Variants in PPFIBP1 observed in about 807,000 individuals in gnomAD.
PPFIBP1 encodes PPFIB scaffold protein 1, also known as liprin-beta-1.
Under a neutral mutation model 137.8 loss-of-function variants are expected in PPFIBP1, and 112 were observed. That is an observed-to-expected ratio of 0.81 (90% confidence interval 0.70 to 0.95). The LOEUF is 0.95. Ranked by LOEUF, PPFIBP1 falls within the 40% of genes least tolerant of loss-of-function variation. The pLI is 0.00. For missense variants in PPFIBP1, 1,083 were observed against 1,196.6 expected, an observed-to-expected ratio of 0.91 and a Z score of 1.40; for synonymous variants, 378 against 417.3, an observed-to-expected ratio of 0.91 and a Z score of 1.15.
intron 5 of PPFIBP1, among the ~76,000 whole-genome samples, chr12:27,646,832 A>G (rs897512304): frequency 2.6e-5 from 4 of 152,132 alleles, no homozygotes; most frequent in African/African-American, 9.7e-5. Flanking sequence ...TTACTGAGTG[A>G]TGATTATTGA....
chr12:27,664,057 TTTTGTTTTTG>T (rs1319533070), intron 11 of PPFIBP1, among the ~76,000 whole-genome samples: 1 of 152,074 alleles, frequency 6.6e-6, no homozygotes, highest in Non-Finnish European at 1.5e-5. Context: ...TATTACCTTG[TTTTGTTTTTG>T]TTTGTTTAAA....
chr12:27,645,145 AAC>A lies in PPFIBP1; in HGVS notation c.271-914_271-913del, dbSNP rs527787932. Among the ~76,000 whole-genome samples, 134 of 152,322 alleles carry A rather than the reference AAC, an allele frequency of 8.8e-4. 7 individuals carry two copies. In the South Asian group the frequency reaches 0.026, roughly 30 times the overall value. On this transcript the variant is annotated intron_variant, in intron 4 of 29. Coordinates refer to ENST00000228425, the MANE Select transcript of PPFIBP1 (RefSeq NM_003622.4). The stretch of plus-strand genomic sequence containing the variant: ...AGTTGAACCCTGGGTGGCCCCATCT[AAC>A]ACTTTCGGATTTCAGCTGGCTTTTA...
chr12:27,550,062 T>C (rs895385338), intron 1 of PPFIBP1, among the ~76,000 whole-genome samples: 1 of 152,210 alleles, frequency 6.6e-6, no homozygotes, highest in Non-Finnish European at 1.5e-5. Context: ...TGGAGCATAA[T>C]GAAGTAAGTG....
chr12:27,644,319 C>G (rs3829315), intron 4 of PPFIBP1, among the ~76,000 whole-genome samples: 82,688 of 147,438 alleles, frequency 0.56, 23,621 homozygotes, highest in Non-Finnish European at 0.6. Context: ...AACTTCTGGG[C>G]TCACACAATT....
chr12:27,640,656 G>T (rs2139271538), intron 4 of PPFIBP1, among the ~76,000 whole-genome samples: 1 of 151,938 alleles, frequency 6.6e-6, no homozygotes, highest in South Asian at 2.1e-4. Flanking sequence ...GAGGACAGGG[G>T]AGCGGAGTAC....
intron 2 of PPFIBP1, among the ~76,000 whole-genome samples, chr12:27,583,612 G>C (rs369566988): frequency 1.3e-5 from 2 of 152,260 alleles, no homozygotes. Flanking sequence ...ATAGTTGAAA[G>C]CCAAGTATCA....
At chr12:27,604,492 TG>T (rs1232145713) in intron 2 of PPFIBP1, among the ~76,000 whole-genome samples, 1 of 152,086 alleles carries the variant, frequency 6.6e-6, no homozygotes, top group Non-Finnish European at 1.5e-5. Flanking sequence ...GACCTGCCTG[TG>T]GGCCAAAACC....
At chr12:27,660,783 A>G (rs2059497160) in intron 10 of PPFIBP1, 101 bp from the exon 11 acceptor site, 1 of 1,468,732 alleles carries the variant, frequency 6.8e-7, no homozygotes, top group African/African-American at 1.4e-5. Flanking sequence ...AGAAATCATT[A>G]ACATCTTTAC....
At chr12:27,668,860 G>A (rs2060017344) in intron 13 of PPFIBP1, among the ~76,000 whole-genome samples, 1 of 151,932 alleles carries the variant, frequency 6.6e-6, no homozygotes, top group Admixed American at 6.6e-5. Context: ...TTTGATTCTA[G>A]TCTAGTCCAT....
chr12:27,622,071 G>A (rs1409222669), intron 2 of PPFIBP1, among the ~76,000 whole-genome samples: 1 of 152,206 alleles, frequency 6.6e-6, no homozygotes, highest in Non-Finnish European at 1.5e-5. Flanking sequence ...TATTGTCGGT[G>A]CTAACAGTTT....
intron 1 of PPFIBP1, among the ~76,000 whole-genome samples, chr12:27,538,630 G>C (rs1945310669): frequency 6.6e-6 from 1 of 152,160 alleles, no homozygotes; most frequent in South Asian, 2.1e-4. Context: ...CTTGCTACCT[G>C]GTAGGAACTC....
chr12:27,651,133 T>C (rs916532039), intron 7 of PPFIBP1, among the ~76,000 whole-genome samples: 5 of 152,210 alleles, frequency 3.3e-5, no homozygotes, highest in Admixed American at 2.0e-4. Context: ...GTTCTTTATA[T>C]TGGAAATAAC....
intron 12 of PPFIBP1, among the ~76,000 whole-genome samples, chr12:27,665,171 G>C (rs1450647110): frequency 6.6e-6 from 1 of 152,184 alleles, no homozygotes; most frequent in Middle Eastern, 3.2e-3. Context: ...CTAGGCGGCA[G>C]AGTGAGACTC....
rs760313055 is a variant in PPFIBP1, at chr12:27,654,724, G to A, written c.606G>A (p.Gly202=). ...DYEDKFRDTE[G]LIQEINDLRL... ...CTTTCTTGTTTCTTCTTGGACAGGG[G>A]CTGATTCAGGAGATCAATGATTTGA... The change falls in exon 8 of 30, where the codon GGG becomes GGA. Residue 202 remains glycine (G), a splice_region_variant and synonymous_variant. Transcript: ENST00000228425. 2 of 1,610,420 alleles carry A rather than the reference G, an allele frequency of 1.2e-6. No individual in the cohort carries two copies. Among genetic ancestry groups the A allele is most frequent in the African/African-American group, 1.3e-5 (1 of 74,730 alleles).
intron 3 of PPFIBP1, among the ~76,000 whole-genome samples, 156 bp downstream of exon 3, chr12:27,633,616 T>C (rs1032443446): frequency 1.3e-5 from 2 of 152,180 alleles, no homozygotes; most frequent in African/African-American, 4.8e-5. Flanking sequence ...TCTTCTCCAT[T>C]TTCTGCCAGC....
intron 11 of PPFIBP1, among the ~76,000 whole-genome samples, chr12:27,663,465 C>T (rs1174153580): frequency 6.6e-6 from 1 of 151,844 alleles, no homozygotes; most frequent in Admixed American, 6.6e-5. Context: ...AAATAAAAAT[C>T]GAAGAAAAGA....
At chr12:27,644,633 G>A (rs531037933) in intron 4 of PPFIBP1, among the ~76,000 whole-genome samples, 19 of 152,114 alleles carry the variant, frequency 1.2e-4, no homozygotes, top group African/African-American at 4.6e-4. Context: ...TTTTATGTTA[G>A]TCCCCAGGAA....
intron 2 of PPFIBP1, among the ~76,000 whole-genome samples, chr12:27,622,068 G>A (rs879543729): frequency 6.6e-6 from 1 of 152,072 alleles, no homozygotes; most frequent in Non-Finnish European, 1.5e-5. Flanking sequence ...CCTTATTGTC[G>A]GTGCTAACAG....
intron 4 of PPFIBP1, among the ~76,000 whole-genome samples, chr12:27,637,600 C>T (rs2346757): frequency 0.59 from 89,174 of 151,776 alleles, 26,725 homozygotes; most frequent in Admixed American, 0.65. Flanking sequence ...TGCCCCCAAC[C>T]TTCCAAATTA....
Sources: allele counts gnomAD v4.1 joint callset (sites outside exome capture counted in the v4.1 genomes callset), GRCh38; gene constraint gnomAD v4.1.1; transcripts MANE v1.5; gene names NCBI Gene and HGNC (gene_info 2026-07-23, HGNC 2026-07-21).